MTCL3: variants seen among roughly 807,000 people sequenced by gnomAD.
MTCL3 encodes the protein MTCL family member 3.
chr6:127,493,609 T>G, the MTCL3 span, among the ~76,000 whole-genome samples: 1 of 152,224 alleles, frequency 6.6e-6, no homozygotes, highest in Non-Finnish European at 1.5e-5. Flanking sequence ...AGCCCTCTTC[T>G]GCTAGACAGC....
At chr6:127,489,163 G>A in the MTCL3 span, among the ~76,000 whole-genome samples, 1 of 152,102 alleles carries the variant, frequency 6.6e-6, no homozygotes, top group Non-Finnish European at 1.5e-5. Context: ...TATCCATTAT[G>A]ATAATCTGGG....
At chr6:127,503,408 C>G in the MTCL3 span, among the ~76,000 whole-genome samples, 1 of 152,198 alleles carries the variant, frequency 6.6e-6, no homozygotes, top group South Asian at 2.1e-4. Flanking sequence ...GGGTAATTTT[C>G]CATATCTCTC....
At chr6:127,515,108 C>G in the MTCL3 span, 17 of 1,385,738 alleles carry the variant, frequency 1.2e-5, no homozygotes, top group Admixed American at 1.7e-5. This position sits in a 1 kb window ranked among gnomAD's most constrained non-coding sequence, Gnocchi z 4.3. Context: ...CCGACACACA[C>G]CGTACACACC....
At chr6:127,517,231 A>G in the MTCL3 span, among the ~76,000 whole-genome samples, 1 of 152,224 alleles carries the variant, frequency 6.6e-6, no homozygotes, top group Admixed American at 6.5e-5. Flanking sequence ...TTCTACGGAT[A>G]AATGACACTT....
the MTCL3 span, among the ~76,000 whole-genome samples, chr6:127,504,789 G>A: frequency 6.6e-6 from 1 of 152,140 alleles, no homozygotes; most frequent in Admixed American, 6.5e-5. Flanking sequence ...AAAAACATCA[G>A]AGAAGTCATA....
At chr6:127,515,491 C>A in the MTCL3 span, 11 of 1,411,818 alleles carry the variant, frequency 7.8e-6, no homozygotes, top group Non-Finnish European at 1.0e-5. This position sits in a 1 kb window ranked among gnomAD's most constrained non-coding sequence, Gnocchi z 4.3. Context: ...CATCCCCCAG[C>A]CGGGTCCCCC....
At chr6:127,510,515 A>G in the MTCL3 span, among the ~76,000 whole-genome samples, 2 of 152,224 alleles carry the variant, frequency 1.3e-5, no homozygotes, top group Non-Finnish European at 2.9e-5. Context: ...CAGTCTATGC[A>G]TATTTTCCCC....
chr6:127,518,712 G>C, the MTCL3 span: 5 of 152,134 alleles, frequency 3.3e-5, no homozygotes, highest in Non-Finnish European at 7.3e-5. Context: ...TATTGTATGC[G>C]ACTTTCCGGC....
At chr6:127,479,927 T>C in the MTCL3 span, among the ~76,000 whole-genome samples, 2 of 152,192 alleles carry the variant, frequency 1.3e-5, no homozygotes, top group African/African-American at 4.8e-5. Context: ...AAAAAGGAGA[T>C]TGTATGCAAA....
chr6:127,497,818 G>C, the MTCL3 span, among the ~76,000 whole-genome samples: 1 of 152,092 alleles, frequency 6.6e-6, no homozygotes, highest in African/African-American at 2.4e-5. Flanking sequence ...AGATAAAATT[G>C]CACTGAGTCA....
At chr6:127,515,565 T>C in the MTCL3 span, 3 of 1,464,078 alleles carry the variant, frequency 2.0e-6, no homozygotes, top group South Asian at 1.5e-5. The surrounding 1 kb of genome is among the most constrained non-coding windows in gnomAD (Gnocchi z 4.3). Flanking sequence ...CTTGCATTTC[T>C]TCCTGCTCTT....
At chr6:127,488,734 G>A in the MTCL3 span, among the ~76,000 whole-genome samples, 1 of 152,224 alleles carries the variant, frequency 6.6e-6, no homozygotes, top group Non-Finnish European at 1.5e-5. Flanking sequence ...AGTCAAAATT[G>A]TATGAGCTGA....
At chr6:127,514,858 C>G in the MTCL3 span, 25 of 1,613,624 alleles carry the variant, frequency 1.5e-5, no homozygotes, top group African/African-American at 2.7e-5. Context: ...AACAGCTCCC[C>G]GTCGATTTCC....
the MTCL3 span, chr6:127,515,664 G>A: frequency 4.7e-6 from 7 of 1,498,290 alleles, no homozygotes; most frequent in African/African-American, 1.4e-5. This position sits in a 1 kb window ranked among gnomAD's most constrained non-coding sequence, Gnocchi z 4.3. Flanking sequence ...TCTGCTGGGG[G>A]CCCTCCGCCG....
chr6:127,501,511 C>A, the MTCL3 span, among the ~76,000 whole-genome samples: 8 of 152,066 alleles, frequency 5.3e-5, no homozygotes, highest in African/African-American at 1.7e-4. Flanking sequence ...AGGTTCTTGG[C>A]TAATGTAATG....
At chr6:127,497,447 G>A in the MTCL3 span, among the ~76,000 whole-genome samples, 1 of 152,182 alleles carries the variant, frequency 6.6e-6, no homozygotes, top group Non-Finnish European at 1.5e-5. Flanking sequence ...CACCCATGTT[G>A]AGGTTTATTC....
chr6:127,475,401 G>A, the MTCL3 span: 3 of 1,613,252 alleles, frequency 1.9e-6, no homozygotes, highest in South Asian at 1.1e-5. The surrounding 1 kb of genome is among the most constrained non-coding windows in gnomAD (Gnocchi z 7.3). Context: ...TCATCTGAGC[G>A]TTGATGCGGT....
the MTCL3 span, among the ~76,000 whole-genome samples, chr6:127,478,814 C>T: frequency 3.4e-4 from 52 of 151,964 alleles, no homozygotes; most frequent in Non-Finnish European, 6.8e-4. Flanking sequence ...GTCAGGAGCT[C>T]GAAACCAGCC....
At chr6:127,476,023 T>C in the MTCL3 span, 2 of 1,611,354 alleles carry the variant, frequency 1.2e-6, no homozygotes, top group Non-Finnish European at 1.7e-6. The surrounding 1 kb of genome is among the most constrained non-coding windows in gnomAD (Gnocchi z 4.4). Flanking sequence ...CTTGTTCTGC[T>C]CCTCCAGGTC....
Sources: gnomAD v4.1 joint callset for allele counts (sites outside exome capture counted in the v4.1 genomes callset) on GRCh38, gnomAD v4.1.1 for gene constraint, Gnocchi (gnomAD v3.1) non-coding constraint, MANE v1.5 for transcripts, NCBI Gene and HGNC (gene_info 2026-07-23, HGNC 2026-07-21) for gene names.